HS6ST2: variants seen among roughly 807,000 people sequenced by gnomAD.
HS6ST2 encodes the protein heparan sulfate 6-O-sulfotransferase 2.
Under a neutral mutation model 33.0 loss-of-function variants are expected in HS6ST2, and 17 were observed. That is an observed-to-expected ratio of 0.52 (90% CI 0.35 to 0.77). HS6ST2 has a LOEUF of 0.77. HS6ST2 is among the 30% of genes least tolerant of loss of function. The probability of loss-of-function intolerance (pLI) is 0.01; values close to 1 mark genes in which losing one functional copy is unlikely to be tolerated. For missense variants in HS6ST2, 519 were observed against 551.7 expected (o/e 0.94, Z 0.59); for synonymous variants, 248 against 237.1 (o/e 1.05, Z -0.42).
chrX:132,628,510 T>C lies in HS6ST2; in HGVS notation c.1651A>G (p.Arg551Gly). Residue 551 changes from arginine to glycine, a missense_variant, in exon 5 of 5, where the codon AGG becomes GGG. By Grantham distance (125) the Arg-to-Gly change is moderately radical. Transcript: ENST00000370833. ...TTGCGTTGTTCCTGACGCTTTCGCC[T>C]GGCCTCCTGATGCTCTTTCTGCCTC... ...FMRQKEHQEA[R>G]RKRQEQRKFL... 8.3e-7 allele frequency: 1 copy of C among 1,211,515 alleles called. No homozygotes were observed. The highest frequency in any genetic ancestry group is 1.1e-6 in the Non-Finnish European group (1 of 895,432).
chrX:132,902,420 G>A (rs1172218094), intron 2 of HS6ST2, among the ~76,000 whole-genome samples: 1 of 112,347 alleles, frequency 8.9e-6, no homozygotes, highest in Non-Finnish European at 1.9e-5. Flanking sequence ...ACTAATTAAT[G>A]ACAGCACTGA....
At chrX:132,911,516 G>A (rs1401802955) in intron 2 of HS6ST2, among the ~76,000 whole-genome samples, 2 of 112,003 alleles carry the variant, frequency 1.8e-5, no homozygotes, top group Non-Finnish European at 3.8e-5. Context: ...CAGGGTCTTT[G>A]CAATTGTGAT....
intron 2 of HS6ST2, among the ~76,000 whole-genome samples, chrX:132,787,075 A>G (rs1019789093): frequency 4.0e-5 from 4 of 100,725 alleles, no homozygotes; most frequent in Admixed American, 1.1e-4. Flanking sequence ...AAAGGTCCCT[A>G]ATATATGCTC....
At chrX:132,816,151 A>G (rs762946016) in intron 2 of HS6ST2, among the ~76,000 whole-genome samples, 1 of 111,857 alleles carries the variant, frequency 8.9e-6, no homozygotes, top group East Asian at 2.8e-4. Flanking sequence ...ATTTGTGTGT[A>G]CTTACCAGTT....
intron 2 of HS6ST2, among the ~76,000 whole-genome samples, chrX:132,816,496 C>T (rs188985365): frequency 3.2e-3 from 354 of 111,409 alleles, no homozygotes; most frequent in African/African-American, 0.011. Flanking sequence ...GTTATTTGAA[C>T]CAAATGGGTA....
intron 2 of HS6ST2, among the ~76,000 whole-genome samples, chrX:132,722,120 G>A (rs1218132764): frequency 9.5e-6 from 1 of 105,270 alleles, no homozygotes; most frequent in East Asian, 3.0e-4. Flanking sequence ...CCTGGGAGGC[G>A]GAGCTTGCAA....
intron 2 of HS6ST2, among the ~76,000 whole-genome samples, chrX:132,920,208 C>T (rs2066638265): frequency 9.0e-6 from 1 of 110,670 alleles, no homozygotes; most frequent in Admixed American, 9.7e-5. Context: ...CTTCTTGTCT[C>T]CTGAAGTCTG....
chrX:132,956,628 C>T (rs925745741), intron 2 of HS6ST2, among the ~76,000 whole-genome samples, 180 bp downstream of exon 2: 24 of 112,876 alleles, frequency 2.1e-4, no homozygotes, highest in Non-Finnish European at 4.1e-4. Flanking sequence ...AGCGGAAAGC[C>T]TTTCTGTGGC....
At chrX:132,832,619 T>C (rs1468087998) in intron 2 of HS6ST2, among the ~76,000 whole-genome samples, 1 of 112,212 alleles carries the variant, frequency 8.9e-6, no homozygotes, top group African/African-American at 3.2e-5. Flanking sequence ...CAATAGTTTT[T>C]TTATTTTAAT....
At chrX:132,917,451 T>A (rs1160616684) in intron 2 of HS6ST2, among the ~76,000 whole-genome samples, 2 of 110,370 alleles carry the variant, frequency 1.8e-5, no homozygotes, top group African/African-American at 6.6e-5. Context: ...ACACAAAAAA[T>A]TAGCGGGGCA....
intron 4 of HS6ST2, among the ~76,000 whole-genome samples, chrX:132,655,638 GA>G (rs1225978100): frequency 9.0e-6 from 1 of 111,067 alleles, no homozygotes; most frequent in Non-Finnish European, 1.9e-5. Context: ...CAATGGTATG[GA>G]AAAGCAGACA....
chrX:132,932,869 T>C (rs1418529120), intron 2 of HS6ST2, among the ~76,000 whole-genome samples: 1 of 106,241 alleles, frequency 9.4e-6, no homozygotes, highest in Non-Finnish European at 1.9e-5. Context: ...ATAGAATATA[T>C]ATTCTATTCT....
At chrX:132,664,472 G>A (rs1033354657) in intron 4 of HS6ST2, among the ~76,000 whole-genome samples, 1 of 111,995 alleles carries the variant, frequency 8.9e-6, no homozygotes, top group African/African-American at 3.2e-5. Flanking sequence ...GGTACTTCCG[G>A]CAAAGGCAGG....
intron 4 of HS6ST2, among the ~76,000 whole-genome samples, chrX:132,631,127 C>A (rs919416884): frequency 2.7e-5 from 3 of 111,871 alleles, no homozygotes; most frequent in Non-Finnish European, 5.6e-5. Context: ...ATCTCAGTAA[C>A]TTCTTTAACT....
At chrX:132,743,666 G>T (rs1252776059) in intron 2 of HS6ST2, among the ~76,000 whole-genome samples, 2 of 111,750 alleles carry the variant, frequency 1.8e-5, no homozygotes, top group Admixed American at 1.9e-4. Flanking sequence ...ACTTGCCCTA[G>T]GCACCCAGCT....
At chrX:132,771,927 T>G (rs2064904672) in intron 2 of HS6ST2, among the ~76,000 whole-genome samples, 1 of 111,897 alleles carries the variant, frequency 8.9e-6, no homozygotes, top group Admixed American at 9.6e-5. Context: ...ATCAATTTTC[T>G]TTTCTCCTAC....
chrX:132,736,270 C>A (rs1421752379), intron 2 of HS6ST2, among the ~76,000 whole-genome samples: 1 of 111,546 alleles, frequency 9.0e-6, no homozygotes, highest in African/African-American at 3.3e-5. Context: ...GCATCTGACT[C>A]CAAGTTTGAC....
chrX:132,721,194 T>C (rs779846430), intron 2 of HS6ST2, among the ~76,000 whole-genome samples: 4 of 112,229 alleles, frequency 3.6e-5, no homozygotes, highest in African/African-American at 1.3e-4. Flanking sequence ...AAACCAGCCA[T>C]AAAACATTTT....
At chrX:132,890,057 A>T (rs929905759) in intron 2 of HS6ST2, among the ~76,000 whole-genome samples, 1 of 111,929 alleles carries the variant, frequency 8.9e-6, no homozygotes, top group African/African-American at 3.2e-5. Flanking sequence ...CTCCTGTTAA[A>T]GAGGACATAT....
Sources: allele counts gnomAD v4.1 joint callset (sites outside exome capture counted in the v4.1 genomes callset), GRCh38; gene constraint gnomAD v4.1.1; transcripts MANE v1.5; gene names NCBI Gene and HGNC (gene_info 2026-07-23, HGNC 2026-07-21).